The following ANKRD6 variants were observed in gnomAD, a reference collection of about 807,000 sequenced individuals.
ANKRD6 encodes ankyrin repeat domain-containing protein 6.
ANKRD6 carries 56 observed loss-of-function variants against 82.3 expected under a neutral mutation model. The observed-to-expected ratio is 0.68, with a 90% CI of 0.55 to 0.85. The LOEUF is 0.85. Ranked by LOEUF, ANKRD6 falls within the 40% of genes least tolerant of loss-of-function variation. ANKRD6 has a pLI of 0.00. For missense variants in ANKRD6, 852 were observed against 907.6 expected, an observed-to-expected ratio of 0.94 and a Z score of 0.79; for synonymous variants, 347 against 352.1, an observed-to-expected ratio of 0.99 and a Z score of 0.16.
rs192274889 is a variant in ANKRD6 at position 89,624,761 on chromosome 6, G to A, written c.1371+70G>A. ...GAACATGAACTCAGGAACCAACTTC[G>A]ACTTTAGCACACCCTTCCACCCTGG... On this transcript the variant is annotated intron_variant, in intron 13 of 15. Coordinates refer to ENST00000339746, the MANE Select transcript of ANKRD6 (RefSeq NM_001242809.2). The A allele has an allele frequency of 7.7e-4, 1,174 of 1,523,292 alleles. 3 individuals carry two copies. The highest frequency in any genetic ancestry group is 8.5e-4 in the Middle Eastern group (4 of 4,716). 94.4% of individuals were successfully genotyped at this position (1,523,292 alleles called of 1,614,324 possible). A position where few individuals can be genotyped will look rare whatever the true frequency, so the allele number is the denominator to read the frequency against.
At chr6:89,500,557 G>A (rs1372527959) in intron 1 of ANKRD6, among the ~76,000 whole-genome samples, 2 of 152,130 alleles carry the variant, frequency 1.3e-5, no homozygotes, top group African/African-American at 2.4e-5. Context: ...AAAAGTCCTG[G>A]CTGTATCACC....
intron 1 of ANKRD6, among the ~76,000 whole-genome samples, chr6:89,446,366 A>AAATAAATT (rs1562518945): frequency 2.0e-5 from 3 of 152,142 alleles, no homozygotes; most frequent in Non-Finnish European, 2.9e-5. Flanking sequence ...ATAAATAAAT[A>AAATAAATT]AATAAATTAA....
At chr6:89,573,209 T>A (rs1790339824) in intron 2 of ANKRD6, among the ~76,000 whole-genome samples, 1 of 152,244 alleles carries the variant, frequency 6.6e-6, no homozygotes, top group African/African-American at 2.4e-5. Flanking sequence ...CTTATAATTA[T>A]TGTGACTATG....
chr6:89,447,020 A>C (rs1772177331), intron 1 of ANKRD6, among the ~76,000 whole-genome samples: 1 of 152,148 alleles, frequency 6.6e-6, no homozygotes, highest in Non-Finnish European at 1.5e-5. Context: ...TAAACTACCC[A>C]GTCTTGGGTA....
intron 1 of ANKRD6, among the ~76,000 whole-genome samples, chr6:89,566,548 C>T (rs560725119): frequency 1.3e-5 from 2 of 152,318 alleles, no homozygotes; most frequent in African/African-American, 2.4e-5. Flanking sequence ...GCCTCCGCTC[C>T]CTGGGAGAAA....
chr6:89,528,657 C>T (rs1782794108), intron 1 of ANKRD6, among the ~76,000 whole-genome samples: 2 of 152,238 alleles, frequency 1.3e-5, no homozygotes, highest in African/African-American at 4.8e-5. Context: ...GGAAGGTTTT[C>T]CATTTACTTT....
At position 89,505,617 on chromosome 6, in the gene ANKRD6, G is replaced by T. The variant is rs1779750762; in HGVS notation, c.-143-61217G>T. Among the ~76,000 whole-genome samples, 3 of 152,350 alleles carry T rather than the reference G, an allele frequency of 2.0e-5. No individual in the cohort carries two copies. The South Asian group carries it at 6.2e-4, about 32-fold the overall frequency. ...GTGCCTCCTGGCACTCAAGAGAGTG[G>T]CCCTAGAGTGTGGTTACAGAAAACC... is the stretch of plus-strand genomic sequence containing the variant. On this transcript the variant is annotated intron_variant, in intron 1 of 15. Transcript: ENST00000339746.
intron 1 of ANKRD6, among the ~76,000 whole-genome samples, chr6:89,544,283 A>T (rs151146228): frequency 6.6e-6 from 1 of 152,358 alleles, no homozygotes; most frequent in African/African-American, 2.4e-5. Flanking sequence ...ATGTCCGCAG[A>T]CCAGCTTTAG....
intron 1 of ANKRD6, among the ~76,000 whole-genome samples, chr6:89,553,790 C>T (rs1411240375): frequency 6.6e-6 from 1 of 152,136 alleles, no homozygotes; most frequent in African/African-American, 2.4e-5. Context: ...AAGTGCTTCC[C>T]CACCTTACTT....
chr6:89,533,324 T>C (rs1783415051), intron 1 of ANKRD6, among the ~76,000 whole-genome samples: 1 of 152,354 alleles, frequency 6.6e-6, no homozygotes, highest in East Asian at 1.9e-4. Flanking sequence ...CAAGGTCATG[T>C]AGTCGTATAG....
intron 1 of ANKRD6, among the ~76,000 whole-genome samples, chr6:89,492,971 A>G (rs1042130642): frequency 1.3e-5 from 2 of 152,194 alleles, no homozygotes; most frequent in African/African-American, 2.4e-5. Flanking sequence ...AATTCCACAT[A>G]TACTCATGGC....
At chr6:89,484,410 T>C (rs903519522) in intron 1 of ANKRD6, among the ~76,000 whole-genome samples, 3 of 152,184 alleles carry the variant, frequency 2.0e-5, no homozygotes, top group African/African-American at 7.2e-5. Context: ...GATTTCATAT[T>C]CAGAATGAGG....
intron 1 of ANKRD6, among the ~76,000 whole-genome samples, chr6:89,477,168 TCTC>T (rs1347289072): frequency 2.6e-5 from 4 of 152,010 alleles, no homozygotes; most frequent in Non-Finnish European, 5.9e-5. Context: ...ATGGTCTCGA[TCTC>T]CTGACCTCGT....
chr6:89,599,927 C>A (rs1796723466), intron 3 of ANKRD6, among the ~76,000 whole-genome samples: 1 of 152,062 alleles, frequency 6.6e-6, no homozygotes, highest in South Asian at 2.1e-4. Context: ...CTGACCCGGG[C>A]TCTCGGTGAG....
intron 1 of ANKRD6, among the ~76,000 whole-genome samples, chr6:89,515,286 TC>T (rs1280178749): frequency 1.3e-5 from 2 of 152,206 alleles, no homozygotes; most frequent in African/African-American, 2.4e-5. Flanking sequence ...ACCTTTGTGT[TC>T]CCTAAACTTC....
chr6:89,442,184 C>T (rs570534284), intron 1 of ANKRD6, among the ~76,000 whole-genome samples: 26 of 151,530 alleles, frequency 1.7e-4, no homozygotes, highest in East Asian at 4.0e-4. Flanking sequence ...TTAGTAGAGA[C>T]GGGGTTTCGC....
At chr6:89,498,961 A>G (rs578073526) in intron 1 of ANKRD6, among the ~76,000 whole-genome samples, 2 of 152,270 alleles carry the variant, frequency 1.3e-5, no homozygotes, top group Admixed American at 6.5e-5. Context: ...CCACTCTCTC[A>G]CTTGCCTTCC....
intron 2 of ANKRD6, among the ~76,000 whole-genome samples, chr6:89,569,734 C>T (rs959681961): frequency 6.6e-6 from 1 of 152,200 alleles, no homozygotes; most frequent in Admixed American, 6.5e-5. Flanking sequence ...TTCAGCTTCT[C>T]TACAATCTCA....
chr6:89,613,917 T>G (rs1270914400), intron 7 of ANKRD6, 27 bp downstream of exon 7: 1 of 1,608,606 alleles, frequency 6.2e-7, no homozygotes, highest in South Asian at 1.1e-5. Context: ...TCTTCATGGC[T>G]GCCAGCACCC....
Sources: allele counts gnomAD v4.1 joint callset (sites outside exome capture counted in the v4.1 genomes callset), GRCh38; gene constraint gnomAD v4.1.1; transcripts MANE v1.5; gene names NCBI Gene and HGNC (gene_info 2026-07-23, HGNC 2026-07-21).